The following ZNF385D variants were observed in gnomAD, a reference collection of about 807,000 sequenced individuals.
The protein encoded by ZNF385D is zinc finger protein 385D, also known as zinc finger protein 659.
A neutral mutation model predicts 35.8 loss-of-function variants in ZNF385D; 15 were observed. The ratio of observed to expected loss-of-function variants is 0.42; its 90% confidence interval spans 0.28 to 0.64. The LOEUF (loss-of-function observed/expected upper bound fraction) is 0.64, where lower values mean the gene tolerates loss of function less well. Among genes scored for constraint, ZNF385D ranks in the 30% least tolerant of loss-of-function variants. The pLI is 0.23. For missense variants in ZNF385D, 474 were observed against 494.6 expected (o/e 0.96, Z 0.39); for synonymous variants, 212 against 186.8 (o/e 1.13, Z -1.10).
intron 2 of ZNF385D, among the ~76,000 whole-genome samples, chr3:22,291,597 A>C (rs1433567384): frequency 6.6e-6 from 1 of 152,036 alleles, no homozygotes; most frequent in Admixed American, 6.5e-5. Context: ...GTTTTATACT[A>C]TTCTTTACAA....
chr3:22,240,183 CAAA>C (rs66663088), intron 2 of ZNF385D, among the ~76,000 whole-genome samples: 2 of 16,168 alleles, frequency 1.2e-4, no homozygotes, highest in Non-Finnish European at 1.1e-4. Flanking sequence ...ACCCTGTCTC[CAAA>C]AAAAAAAAAA....
At position 21,486,876 on chromosome 3, in the gene ZNF385D, CT is replaced by C. The variant is rs1026063899; in HGVS notation, c.439+23984del. On this transcript the variant is annotated intron_variant, in intron 4 of 7. Coordinates refer to ENST00000281523, the MANE Select transcript of ZNF385D (RefSeq NM_024697.3). Reference sequence around the variant, plus strand: ...TTGTATGATGACTATTCATATCATACTTTTTTTTAAACTGGCTAGGACCATG... The same window carrying C: ...TTGTATGATGACTATTCATATCATACTTTTTTTAAACTGGCTAGGACCATG... 2.7e-4 allele frequency among the ~76,000 whole-genome samples: 41 copies of C among 151,978 alleles called. No individual in the cohort carries two copies. In the East Asian group the frequency reaches 4.1e-3, roughly 15 times the overall value.
In ZNF385D at chr3:21,792,623, G is replaced by A. The variant is rs569875431; in HGVS notation, c.326-127595C>T. Reference sequence around the variant, plus strand: ...CTTTCTTAGCCCCTAGGAGTTGTGGGAACCCGAAGCAGATGTCCAGGGGGC... The same window carrying A: ...CTTTCTTAGCCCCTAGGAGTTGTGGAAACCCGAAGCAGATGTCCAGGGGGC... On this transcript the variant is annotated intron_variant, in intron 3 of 5. Transcript: ENST00000494108. 1.6e-3 allele frequency among the ~76,000 whole-genome samples: 238 copies of A among 152,130 alleles called. 1 individual carries two copies. Among genetic ancestry groups the A allele is most frequent in the Middle Eastern group, 0.01 (3 of 294 alleles).
chr3:21,486,106 G>A (rs1705013961), intron 4 of ZNF385D, among the ~76,000 whole-genome samples: 2 of 137,526 alleles, frequency 1.5e-5, no homozygotes, highest in Admixed American at 1.5e-4. Context: ...CAATTTAGAA[G>A]TTGGCCGTCT....
chr3:21,883,691 T>C (rs1010653381), intron 3 of ZNF385D, among the ~76,000 whole-genome samples: 2 of 152,072 alleles, frequency 1.3e-5, no homozygotes, highest in African/African-American at 4.8e-5. Context: ...AAATAAGGCA[T>C]ATTCACTACA....
intron 3 of ZNF385D, among the ~76,000 whole-genome samples, chr3:21,792,774 CTTAAGA>C (rs550342683): frequency 9.2e-5 from 14 of 152,264 alleles, no homozygotes; most frequent in African/African-American, 2.9e-4. Flanking sequence ...TGTCCAGATT[CTTAAGA>C]TTAAAAGAAT....
chr3:21,930,082 T>C (rs1022539918), intron 3 of ZNF385D, among the ~76,000 whole-genome samples: 3 of 152,064 alleles, frequency 2.0e-5, no homozygotes, highest in Non-Finnish European at 2.9e-5. Flanking sequence ...GTGGTACTAA[T>C]ATAAGGGCAT....
intron 3 of ZNF385D, among the ~76,000 whole-genome samples, chr3:21,537,124 C>CTTTTTTTTTTTTT (rs35873199): frequency 1.1e-5 from 1 of 95,008 alleles, no homozygotes; most frequent in Non-Finnish European, 1.9e-5. Context: ...AAAATATCAA[C>CTTTTTTTTTTTTT]TTTTTTTTTT....
At chr3:21,933,754 C>A (rs959435139) in intron 3 of ZNF385D, among the ~76,000 whole-genome samples, 1 of 152,112 alleles carries the variant, frequency 6.6e-6, no homozygotes, top group Non-Finnish European at 1.5e-5. Flanking sequence ...CAAATTGTTT[C>A]AACTCAATTC....
chr3:21,956,616 G>C (rs911332496), intron 3 of ZNF385D, among the ~76,000 whole-genome samples: 2 of 151,982 alleles, frequency 1.3e-5, no homozygotes, highest in African/African-American at 4.8e-5. Flanking sequence ...AGAGGAATTT[G>C]TTCACAGTGG....
intron 3 of ZNF385D, among the ~76,000 whole-genome samples, chr3:21,955,320 G>A (rs572448389): frequency 6.6e-6 from 1 of 152,128 alleles, no homozygotes; most frequent in African/African-American, 2.4e-5. Flanking sequence ...AGGGAGTGGG[G>A]ACAGGGCATG....
intron 2 of ZNF385D, among the ~76,000 whole-genome samples, chr3:22,198,347 A>G (rs1055316795): frequency 1.3e-5 from 2 of 152,084 alleles, no homozygotes; most frequent in African/African-American, 2.4e-5. Context: ...ACATATTAGG[A>G]TTGACTTGTG....
chr3:21,432,129 G>C (rs1344254210), intron 5 of ZNF385D, among the ~76,000 whole-genome samples: 1 of 152,092 alleles, frequency 6.6e-6, no homozygotes, highest in African/African-American at 2.4e-5. Context: ...AGCTGTGTGA[G>C]CTTAGGTTTC....
At chr3:22,168,889 T>C (rs747027178) in exon 3 of ZNF385D, 101 of 985,736 alleles carry the variant, frequency 1.0e-4, no homozygotes, top group Non-Finnish European at 1.1e-4. Flanking sequence ...TTGTAGTGGA[T>C]TTGTGCTTGA....
chr3:21,682,220 T>TCTCTCTCTCTCTCTCTCTCCCAAC (rs1169457941), intron 1 of ZNF385D, among the ~76,000 whole-genome samples: 27 of 133,416 alleles, frequency 2.0e-4, no homozygotes, highest in African/African-American at 7.4e-4. Context: ...TAGTTTAGCT[T>TCTCTCTCTCTCTCTCTCTCCCAAC]TGTCCTTTTA....
intron 2 of ZNF385D, among the ~76,000 whole-genome samples, chr3:22,176,423 A>G (rs915578694): frequency 1.3e-5 from 2 of 152,238 alleles, no homozygotes; most frequent in East Asian, 1.9e-4. Flanking sequence ...AATTAGGAAC[A>G]TCTTACTTTT....
chr3:21,756,026 T>A (rs902410578), upstream of ZNF385D, among the ~76,000 whole-genome samples: 4 of 152,212 alleles, frequency 2.6e-5, no homozygotes, highest in African/African-American at 9.7e-5. Context: ...TAGAAATACT[T>A]TGACTTTTAT....
At chr3:22,016,808 T>A (rs948260553) in intron 3 of ZNF385D, among the ~76,000 whole-genome samples, 13 of 152,000 alleles carry the variant, frequency 8.6e-5, no homozygotes, top group African/African-American at 3.1e-4. Flanking sequence ...TATCCTGACA[T>A]CCATCCTTAC....
intron 2 of ZNF385D, among the ~76,000 whole-genome samples, chr3:21,658,574 A>T (rs900866889): frequency 6.7e-6 from 1 of 149,292 alleles, no homozygotes; most frequent in African/African-American, 2.4e-5. Context: ...ATCTATATCT[A>T]TTACCTATCT....
Sources: allele counts gnomAD v4.1 joint callset (sites outside exome capture counted in the v4.1 genomes callset), GRCh38; gene constraint gnomAD v4.1.1; transcripts MANE v1.5; gene names NCBI Gene and HGNC (gene_info 2026-07-23, HGNC 2026-07-21).